BYSL: variants seen among roughly 807,000 people sequenced by gnomAD.
The protein encoded by BYSL is bystin.
In BYSL, 21 loss-of-function variants were observed where a neutral mutation model predicts 45.4. The ratio of observed to expected loss-of-function variants is 0.46; its 90% confidence interval spans 0.33 to 0.67. The LOEUF (loss-of-function observed/expected upper bound fraction) is 0.67, where lower values mean the gene tolerates loss of function less well. Ranked by LOEUF, BYSL falls within the 30% of genes least tolerant of loss-of-function variation. The probability of loss-of-function intolerance (pLI) is 0.02; values close to 1 mark genes in which losing one functional copy is unlikely to be tolerated. For missense variants in BYSL, 522 were observed against 578.5 expected (o/e 0.90, Z 1.00); for synonymous variants, 215 against 231.3 (o/e 0.93, Z 0.64).
chr6:41,925,744 G>A (rs1338214231), intron 1 of BYSL, among the ~76,000 whole-genome samples: 1 of 151,800 alleles, frequency 6.6e-6, no homozygotes, highest in Non-Finnish European at 1.5e-5. Flanking sequence ...GCAGTGGCGC[G>A]ATCTCGGCTC....
At chr6:41,916,893 C>T (rs765965809), upstream of BYSL, 30 of 1,613,940 alleles carry the variant, frequency 1.9e-5, no homozygotes, top group East Asian at 4.5e-5. Context: ...AGGAGCTCTA[C>T]GGTTTGCTGA....
rs543614404 is a variant in BYSL at position 41,925,267 on chromosome 6, T to G, written c.269-2107T>G. ...TTGTTGTTAATGACCTATTGATACG[T>G]AGCATTATAGCTCCCCACTTGGATT... On this transcript the variant is annotated intron_variant, in intron 1 of 6. Coordinates refer to ENST00000230340, the MANE Select transcript of BYSL (RefSeq NM_004053.4). Among the ~76,000 whole-genome samples the G allele has an allele frequency of 4.6e-5, 7 of 152,306 alleles. No homozygotes were observed. In the South Asian group the frequency reaches 1.4e-3, roughly 32 times the overall value.
chr6:41,917,837 C>A, upstream of BYSL: 1 of 467,564 alleles, frequency 2.1e-6, no homozygotes, highest in Non-Finnish European at 4.5e-6. Context: ...AGCCCAGAGC[C>A]ACAGGTGGCT....
At chr6:41,918,435 C>T (rs1447588492), upstream of BYSL, among the ~76,000 whole-genome samples, 7 of 150,782 alleles carry the variant, frequency 4.6e-5, no homozygotes, top group African/African-American at 1.5e-4. Context: ...AACCAGGAGG[C>T]GGAGGTTGCA....
At chr6:41,910,869 G>A in the BYSL span, among the ~76,000 whole-genome samples, 1 of 151,786 alleles carries the variant, frequency 6.6e-6, no homozygotes, top group African/African-American at 2.4e-5. Flanking sequence ...AGCACTTTGG[G>A]AGGCCAAGGT....
rs1775483652 is a variant in BYSL at position 41,921,822 on chromosome 6, C to G, written c.260C>G (p.Thr87Arg). ...DKPAAPRERTTRLGPRMPQDG... is the reference protein window; with the variant it reads ...DKPAAPRERTRRLGPRMPQDG... ...CCCGCGGCGCCGCGGGAACGCACCA[C>G]GCGGCTGGGTGAGTGTCTGGGATGA... Residue 87 changes from threonine to arginine, a missense_variant, in exon 1 of 7, where the codon ACG becomes AGG. Coordinates refer to ENST00000230340, the MANE Select transcript of BYSL (RefSeq NM_004053.4). The G allele has an allele frequency of 6.2e-7, 1 of 1,610,632 alleles. No individual in the cohort carries two copies. Among genetic ancestry groups the G allele is most frequent in the African/African-American group, 1.3e-5 (1 of 74,796 alleles).
upstream of BYSL, chr6:41,917,954 A>C (rs1453033339): frequency 3.3e-6 from 1 of 303,184 alleles, no homozygotes; most frequent in Non-Finnish European, 7.3e-6. Flanking sequence ...TCAAGTTTAT[A>C]ATCTTTGGGA....
the BYSL span, among the ~76,000 whole-genome samples, chr6:41,911,848 G>A: frequency 2.8e-4 from 43 of 151,936 alleles, no homozygotes; most frequent in East Asian, 7.2e-3. Flanking sequence ...CAAACTTCTC[G>A]ACTCTGAAGA....
the BYSL span, among the ~76,000 whole-genome samples, chr6:41,910,924 CATGGTAA>C: frequency 6.6e-6 from 1 of 151,678 alleles, no homozygotes; most frequent in Admixed American, 6.6e-5. Flanking sequence ...GCCTGGCCAA[CATGGTAA>C]AACCTCGTGT....
In BYSL at chr6:41,927,365, C is replaced by A; in HGVS notation, c.269-9C>A. ...GCTGTGCTCATCCATTTAGTCTCCC[C>A]TCTTCTAGGTCCAAGAATGCCTCAG... On this transcript the variant is annotated splice_polypyrimidine_tract_variant and intron_variant, in intron 1 of 6. Transcript: ENST00000230340. 2 of 1,613,702 alleles carry A rather than the reference C, an allele frequency of 1.2e-6. No individual in the cohort carries two copies. Among genetic ancestry groups the A allele is most frequent in the Middle Eastern group, 1.7e-4 (1 of 6,060 alleles).
chr6:41,917,888 A>G (rs1582064209), upstream of BYSL: 2 of 412,962 alleles, frequency 4.8e-6, no homozygotes, highest in African/African-American at 4.1e-5. Context: ...GAACATTTCC[A>G]TCATCACAGA....
At chr6:41,930,534 G>A (rs1775621997) in intron 3 of BYSL, 101 bp from the exon 4 acceptor site, 3 of 1,425,714 alleles carry the variant, frequency 2.1e-6, no homozygotes, top group Admixed American at 2.3e-5. Context: ...TTGTGGGGAT[G>A]CAATGAGTTA....
chr6:41,921,596 G>T lies in BYSL; in HGVS notation c.34G>T (p.Gly12Cys). 1 of 1,597,234 alleles carries T rather than the reference G, an allele frequency of 6.3e-7. No individual in the cohort carries two copies. Among genetic ancestry groups the T allele is most frequent in the Non-Finnish European group, 8.5e-7 (1 of 1,169,648 alleles). Residue 12 changes from glycine to cysteine, a missense_variant, in exon 1 of 7, where the codon GGT becomes TGT. Physicochemically the swap from Gly to Cys is radical, Grantham distance 159. Transcript: ENST00000230340. ...ATTCAAGGCGGCCCGTGGGGTGGGG[G>T]GTCAGGAAAAACATGCGCCCCTGGC... ...PKFKAARGVG[G>C]QEKHAPLADQ...
the BYSL span, among the ~76,000 whole-genome samples, chr6:41,910,409 A>G: frequency 6.6e-6 from 1 of 152,008 alleles, no homozygotes; most frequent in Non-Finnish European, 1.5e-5. Flanking sequence ...AGGCGGGTGG[A>G]TCACTTGAGG....
upstream of BYSL, among the ~76,000 whole-genome samples, chr6:41,920,207 A>G (rs929638948): frequency 6.6e-6 from 1 of 152,202 alleles, no homozygotes; most frequent in African/African-American, 2.4e-5. Flanking sequence ...AATTAAACAT[A>G]GTGGGAAACG....
chr6:41,923,802 T>TC (rs1476156176), intron 1 of BYSL, among the ~76,000 whole-genome samples: 1 of 152,220 alleles, frequency 6.6e-6, no homozygotes, highest in Non-Finnish European at 1.5e-5. Flanking sequence ...CACTATATGA[T>TC]CTGCCTCCTT....
At chr6:41,909,027 A>AG in the BYSL span, 1 of 530,906 alleles carries the variant, frequency 1.9e-6, no homozygotes, top group East Asian at 2.9e-5. Context: ...TACTAAAAAA[A>AG]AAAAAAAATT....
intron 2 of BYSL, among the ~76,000 whole-genome samples, chr6:41,929,544 A>C (rs1462211524): frequency 3.3e-5 from 5 of 152,206 alleles, no homozygotes; most frequent in Admixed American, 6.5e-5. Flanking sequence ...AGATGCTAGT[A>C]TTATATGACA....
chr6:41,916,535 G>T (rs1243628381), upstream of BYSL, among the ~76,000 whole-genome samples: 1 of 150,870 alleles, frequency 6.6e-6, no homozygotes, highest in Non-Finnish European at 1.5e-5. Flanking sequence ...AGCTGAGATC[G>T]CACCATTGCA....
Sources: allele counts gnomAD v4.1 joint callset (sites outside exome capture counted in the v4.1 genomes callset), GRCh38; gene constraint gnomAD v4.1.1; transcripts MANE v1.5; gene names NCBI Gene and HGNC (gene_info 2026-07-23, HGNC 2026-07-21).